Variants in ABCC1 observed in about 807,000 individuals in gnomAD.
ABCC1 encodes multidrug resistance-associated protein 1.
ABCC1 carries 83 observed loss-of-function variants against 172.9 expected under a neutral mutation model. The observed-to-expected ratio is 0.48, with a 90% CI of 0.40 to 0.58. The LOEUF is 0.58. ABCC1 is among the 20% of genes least tolerant of loss of function. The pLI, the probability that ABCC1 is intolerant of heterozygous loss-of-function variation, is 0.00. For missense variants in ABCC1, 1,817 were observed against 2,002.7 expected, an observed-to-expected ratio of 0.91 and a Z score of 1.77; for synonymous variants, 937 against 825.2, an observed-to-expected ratio of 1.14 and a Z score of -2.32.
intron 12 of ABCC1, among the ~76,000 whole-genome samples, chr16:16,056,864 C>T (rs891569330): frequency 2.6e-5 from 4 of 152,170 alleles, no homozygotes; most frequent in African/African-American, 7.2e-5. Flanking sequence ...CCCCCTGCTT[C>T]CTGCATTAAG....
chr16:16,000,856 G>A (rs1167912868), intron 1 of ABCC1, among the ~76,000 whole-genome samples: 1 of 152,162 alleles, frequency 6.6e-6, no homozygotes, highest in Non-Finnish European at 1.5e-5. Flanking sequence ...TGGGGAGTGT[G>A]GAGGAAGCTT....
rs1172591425 is a variant in ABCC1 at position 15,982,296 on chromosome 16, A to G, written c.49-25520A>G. On this transcript the variant is annotated intron_variant, in intron 1 of 30. Transcript: ENST00000399410. Reference sequence around the variant, plus strand: ...CTCACGCTGCTATAAAGAACTGCCCAAGACTGGGTAGTTTATAAAGGGAAG... The same window carrying G: ...CTCACGCTGCTATAAAGAACTGCCCGAGACTGGGTAGTTTATAAAGGGAAG... 2.6e-5 allele frequency among the ~76,000 whole-genome samples: 4 copies of G among 152,080 alleles called. No individual in the cohort carries two copies. The East Asian group carries it at 7.7e-4, about 29-fold the overall frequency.
intron 13 of ABCC1, 113 bp downstream of exon 13, chr16:16,068,415 A>G: frequency 1.6e-6 from 2 of 1,261,546 alleles, no homozygotes; most frequent in South Asian, 1.3e-5. Context: ...GTCGGGCTCC[A>G]TGAGGCCCGG....
chr16:16,101,431 A>G (rs1019149311), intron 19 of ABCC1, among the ~76,000 whole-genome samples: 2 of 152,144 alleles, frequency 1.3e-5, no homozygotes, highest in African/African-American at 4.8e-5. Context: ...AATGATCTGC[A>G]GCCCCCTCTT....
chr16:16,089,531 G>A (rs185859674), intron 18 of ABCC1, among the ~76,000 whole-genome samples: 4 of 146,722 alleles, frequency 2.7e-5, no homozygotes, highest in East Asian at 4.1e-4. Context: ...CTGGGCGACA[G>A]AGCGAGACCC....
At chr16:16,138,760 A>G (rs1419248482) in intron 30 of ABCC1, among the ~76,000 whole-genome samples, 1 of 133,172 alleles carries the variant, frequency 7.5e-6, no homozygotes, top group Non-Finnish European at 1.5e-5. Flanking sequence ...TCATCTCTGG[A>G]GTGCAGTGGT....
intron 26 of ABCC1, among the ~76,000 whole-genome samples, chr16:16,127,227 A>G (rs544234288): frequency 2.0e-5 from 3 of 152,192 alleles, no homozygotes; most frequent in South Asian, 2.1e-4. Context: ...ACCCCGCTCT[A>G]TGACTGATTT....
At chr16:15,962,705 C>G (rs956634259) in intron 1 of ABCC1, among the ~76,000 whole-genome samples, 1 of 152,188 alleles carries the variant, frequency 6.6e-6, no homozygotes, top group Non-Finnish European at 1.5e-5. Context: ...TGAGGACTCA[C>G]TATCAGGAGA....
rs1361023902 is a variant in ABCC1, at chr16:16,141,416, A to G, written c.*135A>G. The G allele has an allele frequency of 1.3e-6, 1 of 753,524 alleles. No individual in the cohort carries two copies. 46.7% of individuals were successfully genotyped at this position (753,524 alleles called of 1,614,324 possible). Reference sequence around the variant, plus strand: ...AAAACCAAACCCAGACAACCAAAACATATTCAAAGCAGCAGCCACCGCCAT... The same window carrying G: ...AAAACCAAACCCAGACAACCAAAACGTATTCAAAGCAGCAGCCACCGCCAT... On this transcript the variant is annotated 3_prime_UTR_variant, in exon 31 of 31. Transcript: ENST00000399410.
chr16:15,964,932 A>G (rs189851748), intron 1 of ABCC1, among the ~76,000 whole-genome samples: 63 of 152,216 alleles, frequency 4.1e-4, no homozygotes, highest in African/African-American at 1.4e-3. Flanking sequence ...GTATGCCTGG[A>G]CTAGTTTGTC....
intron 7 of ABCC1, among the ~76,000 whole-genome samples, chr16:16,039,967 T>C (rs779600596): frequency 4.6e-5 from 7 of 152,090 alleles, no homozygotes; most frequent in Non-Finnish European, 4.4e-5. Context: ...GGGTCTCCTC[T>C]GAGAGTTAAG....
intron 20 of ABCC1, among the ~76,000 whole-genome samples, chr16:16,104,836 C>T (rs148096943): frequency 0.014 from 2,136 of 152,274 alleles, 24 homozygotes; most frequent in Admixed American, 0.023. Context: ...AGCTAAAGCC[C>T]GGTGAGAAAT....
chr16:16,082,911 G>A (rs191631440), intron 16 of ABCC1, among the ~76,000 whole-genome samples: 1 of 152,300 alleles, frequency 6.6e-6, no homozygotes, highest in Non-Finnish European at 1.5e-5. Flanking sequence ...GCCTCCCAAA[G>A]TGCTGGGATT....
At chr16:16,019,112 G>T (rs2048108548) in intron 5 of ABCC1, among the ~76,000 whole-genome samples, 1 of 151,838 alleles carries the variant, frequency 6.6e-6, no homozygotes, top group Admixed American at 6.6e-5. Flanking sequence ...CTGTTGTTTT[G>T]TTTTGTTTTT....
chr16:16,058,914 C>T (rs1294313019), intron 12 of ABCC1, among the ~76,000 whole-genome samples: 1 of 152,316 alleles, frequency 6.6e-6, no homozygotes. Flanking sequence ...CCTTGGCCTC[C>T]GAAAGTGCTG....
At position 16,013,187 on chromosome 16, in the gene ABCC1, T is replaced by C. The variant is rs572051346; in HGVS notation, c.352-1304T>C. Among the ~76,000 whole-genome samples the C allele has an allele frequency of 4.6e-5, 7 of 152,190 alleles. No individual in the cohort carries two copies. In the South Asian group the frequency reaches 1.5e-3, roughly 32 times the overall value. On this transcript the variant is annotated intron_variant, in intron 3 of 30. Coordinates refer to ENST00000399410, the MANE Select transcript of ABCC1 (RefSeq NM_004996.4). ...GGAGGACCACCAGCTCAGCTGTGAATGTGTCAGAAACATTCTGACTATATC... is the reference window on the plus strand; with the variant it reads ...GGAGGACCACCAGCTCAGCTGTGAACGTGTCAGAAACATTCTGACTATATC...
At chr16:16,008,018 G>A (rs8187843) in intron 2 of ABCC1, 26 bp downstream of exon 2, 89,545 of 577,782 alleles carry the variant, frequency 0.15, 4,122 homozygotes, top group Non-Finnish European at 0.22. Flanking sequence ...GTTTCGTTGT[G>A]GGGGGTGGGA....
chr16:16,042,228 C>G (rs992099135), intron 7 of ABCC1, among the ~76,000 whole-genome samples: 2 of 150,622 alleles, frequency 1.3e-5, no homozygotes, highest in African/African-American at 2.5e-5. Flanking sequence ...CCAGTCACCC[C>G]CTTCCCAGGC....
At chr16:16,085,232 A>C (rs2152000764) in intron 17 of ABCC1, among the ~76,000 whole-genome samples, 1 of 152,260 alleles carries the variant, frequency 6.6e-6, no homozygotes, top group South Asian at 2.1e-4. Flanking sequence ...GCTTCACAGC[A>C]ACCCCCAGCC....
Sources: gnomAD v4.1 joint callset for allele counts (sites outside exome capture counted in the v4.1 genomes callset) on GRCh38, gnomAD v4.1.1 for gene constraint, MANE v1.5 for transcripts, NCBI Gene and HGNC (gene_info 2026-07-23, HGNC 2026-07-21) for gene names.